The following PRMT3 variants were observed in gnomAD, a reference collection of about 807,000 sequenced individuals.
PRMT3 encodes the protein protein arginine methyltransferase 3, also known as protein arginine N-methyltransferase 3.
PRMT3 carries 62 observed loss-of-function variants against 71.9 expected under a neutral mutation model. The ratio of observed to expected loss-of-function variants is 0.86; its 90% CI spans 0.70 to 1.07. The LOEUF (loss-of-function observed/expected upper bound fraction) is 1.07, where lower values mean the gene tolerates loss of function less well. Ranked by LOEUF, PRMT3 falls within the 50% of genes least tolerant of loss-of-function variation. The pLI is 0.00. For missense variants in PRMT3, 663 were observed against 643.0 expected (o/e 1.03, Z -0.34); for synonymous variants, 213 against 220.4 (o/e 0.97, Z 0.30).
At chr11:20,474,536 G>GACTCTATAC (rs1482130951) in intron 13 of PRMT3, among the ~76,000 whole-genome samples, 1 of 152,190 alleles carries the variant, frequency 6.6e-6, no homozygotes, top group Non-Finnish European at 1.5e-5. Flanking sequence ...GCTCTGCCAG[G>GACTCTATAC]ACTCTATACA....
chr11:20,478,439 T>G (rs1157031300), intron 13 of PRMT3, among the ~76,000 whole-genome samples: 1 of 151,996 alleles, frequency 6.6e-6, no homozygotes, highest in East Asian at 1.9e-4. Context: ...ATTCAGTTCT[T>G]TGATGATCTA....
intron 10 of PRMT3, among the ~76,000 whole-genome samples, chr11:20,433,786 A>G (rs576853989): frequency 1.2e-4 from 18 of 151,924 alleles, no homozygotes; most frequent in Non-Finnish European, 2.2e-4. Context: ...GTGCTGGCTA[A>G]TTTTTGTATT....
At chr11:20,415,602 G>T (rs778562723) in intron 9 of PRMT3, among the ~76,000 whole-genome samples, 13 of 147,652 alleles carry the variant, frequency 8.8e-5, no homozygotes, top group Non-Finnish European at 2.0e-4. Flanking sequence ...CATGTGAGAT[G>T]TCTCTACCCA....
intron 8 of PRMT3, chr11:20,406,821 GT>G (rs1345412284): frequency 2.0e-5 from 3 of 152,100 alleles, no homozygotes; most frequent in African/African-American, 7.2e-5. Context: ...TTGTTTTCTA[GT>G]TTTTTGATAA....
At chr11:20,453,318 TAAAAAAA>T (rs35130616) in intron 11 of PRMT3, among the ~76,000 whole-genome samples, 2 of 96,806 alleles carry the variant, frequency 2.1e-5, no homozygotes, top group African/African-American at 3.9e-5. Flanking sequence ...CCGTCTTTAC[TAAAAAAA>T]AAAAAAAAAA....
intron 6 of PRMT3, 72 bp downstream of exon 6, chr11:20,396,034 T>C (rs1452886446): frequency 7.2e-7 from 1 of 1,386,896 alleles, no homozygotes; most frequent in Admixed American, 2.0e-5. Context: ...CAAAGTAGAA[T>C]ATAGTAGAAC....
intron 10 of PRMT3, among the ~76,000 whole-genome samples, chr11:20,430,120 C>T (rs1005374113): frequency 6.6e-6 from 1 of 152,188 alleles, no homozygotes; most frequent in African/African-American, 2.4e-5. Flanking sequence ...GCATTTTAAA[C>T]TTAAATTGCA....
rs762942159 is a variant in PRMT3 at position 20,389,736 on chromosome 11, T to A, written c.165-8T>A. The A allele has an allele frequency of 6.3e-7, 1 of 1,597,610 alleles. No individual in the cohort carries two copies. The highest frequency in any genetic ancestry group is 8.6e-7 in the Non-Finnish European group (1 of 1,166,386). On this transcript the variant is annotated splice_region_variant and splice_polypyrimidine_tract_variant and intron_variant, in intron 2 of 15. Transcript: ENST00000331079. ...ACTATTCCATGAAGCTATTGCTTGA[T>A]TTTTCAGGTTATTCACATCTGCTGA...
intron 13 of PRMT3, among the ~76,000 whole-genome samples, chr11:20,476,413 G>C (rs1260987993): frequency 6.6e-6 from 1 of 151,066 alleles, no homozygotes; most frequent in African/African-American, 2.4e-5. Context: ...CAAGTACTAT[G>C]AACATTTTAA....
intron 10 of PRMT3, among the ~76,000 whole-genome samples, chr11:20,435,957 G>T (rs997182823): frequency 1.3e-5 from 2 of 152,154 alleles, no homozygotes; most frequent in African/African-American, 4.8e-5. Context: ...ATAAGCATGG[G>T]ATCACTTTCC....
Position 20,499,590 on chromosome 11 carries a change from A to G in PRMT3, c.1486+5336A>G, listed in dbSNP as rs1022773656. ...TGTGGTGAGCTATGATTGCATTACT[A>G]TACTTCAGCCTGGGTGCAGAGCAAG... is the stretch of plus-strand genomic sequence containing the variant. On this transcript the variant is annotated intron_variant, in intron 15 of 15. Transcript: ENST00000331079. Among the ~76,000 whole-genome samples, 51 of 152,326 alleles carry G rather than the reference A, an allele frequency of 3.3e-4. 1 individual carries two copies. Among genetic ancestry groups the G allele is most frequent in the Middle Eastern group, 3.4e-3 (1 of 294 alleles).
chr11:20,438,856 C>T, intron 10 of PRMT3, among the ~76,000 whole-genome samples: 1 of 152,138 alleles, frequency 6.6e-6, no homozygotes, highest in East Asian at 1.9e-4. Context: ...TCTGAGTGGC[C>T]CCAGTACTCT....
intron 3 of PRMT3, among the ~76,000 whole-genome samples, chr11:20,391,224 G>A (rs1282412449): frequency 6.6e-6 from 1 of 152,102 alleles, no homozygotes; most frequent in East Asian, 1.9e-4. Flanking sequence ...ATAAATGACA[G>A]CCTCATTTTT....
intron 13 of PRMT3, among the ~76,000 whole-genome samples, chr11:20,477,162 G>A (rs1472462449): frequency 6.6e-6 from 1 of 152,148 alleles, no homozygotes; most frequent in Admixed American, 6.6e-5. Flanking sequence ...TCAGAGGAAG[G>A]ACGTGAGAAT....
At chr11:20,485,603 G>A (rs537768780) in intron 13 of PRMT3, among the ~76,000 whole-genome samples, 205 of 151,924 alleles carry the variant, frequency 1.3e-3, no homozygotes, top group African/African-American at 4.8e-3. Context: ...GAAGATCTGC[G>A]AACTGGATTT....
At chr11:20,408,381 T>C (rs1251574183) in intron 9 of PRMT3, among the ~76,000 whole-genome samples, 1 of 151,994 alleles carries the variant, frequency 6.6e-6, no homozygotes, top group Admixed American at 6.5e-5. Flanking sequence ...ATTTATTATA[T>C]ATTAGTAATA....
Position 20,472,066 on chromosome 11 carries a change from C to A in PRMT3, c.1347+7520C>A, listed in dbSNP as rs1850659875. ...TTGATTTTTGTGTCCTGAGACTTTG[C>A]TGAAGTTGCTTATCAGCTTAAGAAG... On this transcript the variant is annotated intron_variant, in intron 13 of 15. Coordinates refer to ENST00000331079, the MANE Select transcript of PRMT3 (RefSeq NM_005788.4). 2.0e-5 allele frequency among the ~76,000 whole-genome samples: 3 copies of A among 152,256 alleles called. No individual in the cohort carries two copies. The South Asian group carries it at 6.2e-4, about 32-fold the overall frequency.
intron 11 of PRMT3, among the ~76,000 whole-genome samples, chr11:20,454,213 AGCCTTGTTTT>A (rs1288787531): frequency 2.6e-5 from 4 of 152,118 alleles, no homozygotes; most frequent in Non-Finnish European, 5.9e-5. Context: ...CTTTTTACTA[AGCCTTGTTTT>A]CCTACTAAAA....
intron 13 of PRMT3, among the ~76,000 whole-genome samples, chr11:20,479,794 CAT>C (rs148079310): frequency 0.059 from 8,920 of 152,204 alleles, 389 homozygotes; most frequent in Admixed American, 0.15. Flanking sequence ...AAGCTGAACA[CAT>C]GTTTACCCTG....
Sources: gnomAD v4.1 joint callset for allele counts (sites outside exome capture counted in the v4.1 genomes callset) on GRCh38, gnomAD v4.1.1 for gene constraint, MANE v1.5 for transcripts, NCBI Gene and HGNC (gene_info 2026-07-23, HGNC 2026-07-21) for gene names.